The following CDK14 variants were observed in gnomAD, a reference collection of about 807,000 sequenced individuals.
The protein encoded by CDK14 is cyclin-dependent kinase 14.
Under a neutral mutation model 60.7 loss-of-function variants are expected in CDK14, and 34 were observed. The ratio of observed to expected loss-of-function variants is 0.56; its 90% CI spans 0.43 to 0.75. The LOEUF is 0.75. Among genes scored for constraint, CDK14 ranks in the 30% least tolerant of loss-of-function variants. The probability of loss-of-function intolerance (pLI) is 0.00; values close to 1 mark genes in which losing one functional copy is unlikely to be tolerated. For synonymous variants in CDK14, 197 were observed against 203.7 expected (o/e 0.97, Z 0.28); for missense variants, 482 against 564.1 (o/e 0.85, Z 1.47).
intron 2 of CDK14, among the ~76,000 whole-genome samples, chr7:90,667,556 G>A (rs1801008551): frequency 6.6e-6 from 1 of 150,810 alleles, no homozygotes; most frequent in South Asian, 2.1e-4. Context: ...GTTCATCCAT[G>A]TTGTAGCATG....
chr7:91,080,833 C>A (rs1233088270), intron 12 of CDK14, among the ~76,000 whole-genome samples: 1 of 152,140 alleles, frequency 6.6e-6, no homozygotes, highest in Non-Finnish European at 1.5e-5. Flanking sequence ...TGTAGCATAG[C>A]AGCATTTCTG....
At chr7:90,755,951 C>T (rs955109440) in intron 4 of CDK14, among the ~76,000 whole-genome samples, 3 of 152,140 alleles carry the variant, frequency 2.0e-5, no homozygotes, top group African/African-American at 7.2e-5. Context: ...CTCACAATGC[C>T]GTATGAGGTG....
chr7:91,156,693 C>T (rs1194588480), intron 14 of CDK14, among the ~76,000 whole-genome samples: 3 of 152,034 alleles, frequency 2.0e-5, no homozygotes, highest in African/African-American at 7.2e-5. Context: ...AAATCTTGTA[C>T]CTATAAGTGG....
At chr7:90,636,210 G>T (rs1160724005) in intron 2 of CDK14, among the ~76,000 whole-genome samples, 1 of 151,994 alleles carries the variant, frequency 6.6e-6, no homozygotes, top group East Asian at 1.9e-4. Flanking sequence ...CCTGTCTTGT[G>T]CCAGTTTTCA....
intron 11 of CDK14, among the ~76,000 whole-genome samples, chr7:91,066,515 C>T (rs538571906): frequency 1.3e-5 from 2 of 152,216 alleles, no homozygotes; most frequent in South Asian, 2.1e-4. Context: ...GTATAAGATA[C>T]AAAAACATTG....
intron 4 of CDK14, among the ~76,000 whole-genome samples, chr7:90,773,665 C>T (rs1804875384): frequency 6.6e-6 from 1 of 152,112 alleles, no homozygotes; most frequent in Non-Finnish European, 1.5e-5. Context: ...AGCCACCTCG[C>T]CTGGCTCTAT....
At chr7:91,016,598 G>A (rs1796309447) in intron 10 of CDK14, among the ~76,000 whole-genome samples, 1 of 152,178 alleles carries the variant, frequency 6.6e-6, no homozygotes, top group Non-Finnish European at 1.5e-5. Flanking sequence ...TGTTGAGGGA[G>A]TACTTCTTGA....
chr7:90,970,747 C>CT (rs1351140271), intron 9 of CDK14, among the ~76,000 whole-genome samples: 3 of 152,128 alleles, frequency 2.0e-5, no homozygotes, highest in African/African-American at 7.2e-5. Context: ...GCTGGAGTTC[C>CT]TTTGGAGTCT....
chr7:90,878,046 A>T (rs1343610628), intron 6 of CDK14, among the ~76,000 whole-genome samples: 1 of 151,072 alleles, frequency 6.6e-6, no homozygotes, highest in Non-Finnish European at 1.5e-5. Flanking sequence ...TTTTCATAGA[A>T]TAGATGCATT....
Position 90,984,204 on chromosome 7 carries a change from T to G in CDK14, c.1004T>G (p.Met335Arg). 1 of 1,612,856 alleles carries G rather than the reference T, an allele frequency of 6.2e-7. No homozygotes were observed. Among genetic ancestry groups the G allele is most frequent in the South Asian group, 1.1e-5 (1 of 91,068 alleles). The stretch of plus-strand genomic sequence containing the variant: ...CAAGGAGTTGCTGCTTTTCCAGGAA[T>G]GAAAGACATTCAGGATCAACTTGAA... ...MIQGVAAFPGMKDIQDQLERI... is the reference protein window; with the variant it reads ...MIQGVAAFPGRKDIQDQLERI... Residue 335 changes from methionine (M) to arginine (R), a missense_variant, in exon 10 of 15, where the codon ATG (methionine) becomes AGG (arginine). Coordinates refer to ENST00000380050, the MANE Select transcript of CDK14 (RefSeq NM_001287135.2).
At chr7:91,086,996 A>T (rs998954524) in intron 12 of CDK14, among the ~76,000 whole-genome samples, 12 of 152,152 alleles carry the variant, frequency 7.9e-5, no homozygotes, top group African/African-American at 2.9e-4. Flanking sequence ...ATCATGGCTC[A>T]CTACAGCCTT....
intron 11 of CDK14, among the ~76,000 whole-genome samples, chr7:91,060,293 T>C (rs1270385227): frequency 2.6e-5 from 4 of 151,988 alleles, no homozygotes; most frequent in African/African-American, 4.8e-5. Context: ...CCTATGTGTG[T>C]CTCTGCCCGT....
At chr7:90,952,595 A>T (rs777640653) in intron 8 of CDK14, among the ~76,000 whole-genome samples, 4 of 152,220 alleles carry the variant, frequency 2.6e-5, no homozygotes, top group Non-Finnish European at 4.4e-5. Context: ...GTACCCCTTC[A>T]TGAGCACACA....
chr7:90,793,257 C>T (rs1306723693), intron 5 of CDK14, among the ~76,000 whole-genome samples: 1 of 152,178 alleles, frequency 6.6e-6, no homozygotes, highest in Non-Finnish European at 1.5e-5. Context: ...AGTCTGTTCC[C>T]TCAAGGAACC....
chr7:91,094,319 G>C (rs1246937035), intron 12 of CDK14, among the ~76,000 whole-genome samples: 1 of 151,862 alleles, frequency 6.6e-6, no homozygotes, highest in Non-Finnish European at 1.5e-5. Context: ...ATATTTTCAG[G>C]GATGTACTCT....
chr7:90,843,380 G>T lies in CDK14; in HGVS notation c.545-19795G>T, dbSNP rs1790365063. ...TTTGCAGCTTTATTAGAAAATTAAT[G>T]ACTTGATTATTTTATTCATTAAAAT... On this transcript the variant is annotated intron_variant, in intron 5 of 14. Coordinates refer to ENST00000380050, the MANE Select transcript of CDK14 (RefSeq NM_001287135.2). 2.0e-5 allele frequency among the ~76,000 whole-genome samples: 3 copies of T among 152,092 alleles called. No individual in the cohort carries two copies. In the South Asian group the frequency reaches 6.2e-4, roughly 32 times the overall value.
intron 4 of CDK14, among the ~76,000 whole-genome samples, chr7:90,758,322 A>G (rs1413761389): frequency 1.3e-5 from 2 of 151,888 alleles, no homozygotes; most frequent in Non-Finnish European, 1.5e-5. Context: ...GGTGGCAGTT[A>G]TCATTACTTC....
intron 14 of CDK14, among the ~76,000 whole-genome samples, chr7:91,130,952 A>G (rs533167135): frequency 1.3e-5 from 2 of 152,176 alleles, no homozygotes; most frequent in South Asian, 4.2e-4. Context: ...ATGTCAGAAA[A>G]CGGGACTTGG....
intron 10 of CDK14, among the ~76,000 whole-genome samples, chr7:91,005,663 C>G (rs1047748848): frequency 1.3e-5 from 2 of 152,136 alleles, no homozygotes; most frequent in African/African-American, 4.8e-5. Context: ...GGTCAGGGCA[C>G]CCTGGAACAT....
Sources: gnomAD v4.1 joint callset for allele counts (sites outside exome capture counted in the v4.1 genomes callset) on GRCh38, gnomAD v4.1.1 for gene constraint, MANE v1.5 for transcripts, NCBI Gene and HGNC (gene_info 2026-07-23, HGNC 2026-07-21) for gene names.